The following COBLL1 variants were observed in gnomAD, a reference collection of about 807,000 sequenced individuals.
The protein encoded by COBLL1 is cordon-bleu protein-like 1.
In COBLL1, 50 loss-of-function variants were observed where a neutral mutation model predicts 94.8. The observed-to-expected ratio is 0.53, with a 90% CI of 0.42 to 0.67. The LOEUF (loss-of-function observed/expected upper bound fraction) is 0.67, where lower values mean the gene tolerates loss of function less well. Among genes scored for constraint, COBLL1 ranks in the 30% least tolerant of loss-of-function variants. The pLI, the probability that COBLL1 is intolerant of heterozygous loss-of-function variation, is 0.00. For missense variants in COBLL1, 1,362 were observed against 1,348.7 expected (o/e 1.01, Z -0.15); for synonymous variants, 448 against 473.8 (o/e 0.95, Z 0.71).
intron 2 of COBLL1, among the ~76,000 whole-genome samples, chr2:164,760,380 A>C (rs575287872): frequency 6.6e-6 from 1 of 152,308 alleles, no homozygotes; most frequent in Non-Finnish European, 1.5e-5. Context: ...ATGGCAGCCA[A>C]ATTTGGAGGC....
At chr2:164,738,971 C>T (rs991856244) in intron 3 of COBLL1, among the ~76,000 whole-genome samples, 1 of 152,098 alleles carries the variant, frequency 6.6e-6, no homozygotes, top group Non-Finnish European at 1.5e-5. Context: ...TACATCTATA[C>T]TACACTGTAT....
At chr2:164,816,164 A>G (rs970180163) in intron 2 of COBLL1, among the ~76,000 whole-genome samples, 3 of 152,032 alleles carry the variant, frequency 2.0e-5, no homozygotes, top group Non-Finnish European at 4.4e-5. Context: ...GAAAGCTTCA[A>G]GCAGAAGGTG....
At chr2:164,799,300 T>C (rs973250913) in intron 2 of COBLL1, among the ~76,000 whole-genome samples, 5 of 151,642 alleles carry the variant, frequency 3.3e-5, no homozygotes, top group African/African-American at 9.7e-5. Flanking sequence ...ACAGAGGGAG[T>C]TGCCCTTTTT....
At chr2:164,838,249 A>G (rs1047331533) in intron 2 of COBLL1, among the ~76,000 whole-genome samples, 1 of 152,190 alleles carries the variant, frequency 6.6e-6, no homozygotes, top group Non-Finnish European at 1.5e-5. Flanking sequence ...TGCGAGTTAA[A>G]TGTGTGAAGG....
chr2:164,697,898 A>G (rs1170882297), intron 11 of COBLL1: 2 of 152,082 alleles, frequency 1.3e-5, no homozygotes, highest in Non-Finnish European at 2.9e-5. Flanking sequence ...TATCTTTTAT[A>G]CTATAGTGAC....
At chr2:164,782,620 T>C (rs900432214) in intron 2 of COBLL1, among the ~76,000 whole-genome samples, 1 of 152,156 alleles carries the variant, frequency 6.6e-6, no homozygotes, top group African/African-American at 2.4e-5. Flanking sequence ...ACACTGTACA[T>C]GTACTAACTG....
At chr2:164,803,989 C>T (rs1244817239) in intron 2 of COBLL1, among the ~76,000 whole-genome samples, 1 of 151,604 alleles carries the variant, frequency 6.6e-6, no homozygotes, top group Non-Finnish European at 1.5e-5. Flanking sequence ...GATGAAATTC[C>T]TCTAGATACT....
chr2:164,719,635 A>T (rs1267972299), intron 7 of COBLL1, among the ~76,000 whole-genome samples: 8 of 152,100 alleles, frequency 5.3e-5, no homozygotes, highest in Admixed American at 6.5e-5. Flanking sequence ...CTCTTCTTAT[A>T]AGGATACCTG....
Position 164,695,076 on chromosome 2 carries a change from A to G in COBLL1, c.2316T>C (p.Asn772=), listed in dbSNP as rs773538509. The change falls in exon 12 of 14, where the codon AAT becomes AAC. Residue 772 remains asparagine, a synonymous_variant. Transcript: ENST00000652658. ...CTGTTTGGATGGCAGTTTCTTTCAC[A>G]TTCTCATGAGTGTGCTTTTTCCCTA... ...HALGKKHTHE[N]VKETAIQTED... 1.9e-6 allele frequency: 3 copies of G among 1,613,874 alleles called. No individual in the cohort carries two copies. Among genetic ancestry groups the G allele is most frequent in the East Asian group, 4.5e-5 (2 of 44,864 alleles).
At chr2:164,669,795 C>T (rs553235519) in intron 1 of COBLL1, among the ~76,000 whole-genome samples, 2 of 152,348 alleles carry the variant, frequency 1.3e-5, no homozygotes, top group African/African-American at 4.8e-5. Context: ...GTTTACTCAT[C>T]TGTAAATGGG....
chr2:164,841,708 A>G lies in COBLL1; in HGVS notation c.-51+2T>C, dbSNP rs1683633443. ...CTCTCTTTTCCCACCCAAGGCTCCTACGTTCTTTTCCAAAGGAGACAGTAG... is the reference window on the plus strand; with the variant it reads ...CTCTCTTTTCCCACCCAAGGCTCCTGCGTTCTTTTCCAAAGGAGACAGTAG... On this transcript the variant is annotated splice_donor_variant, in intron 1 of 13. Transcript: ENST00000652658. LOFTEE classifies it low-confidence loss of function (5UTR_SPLICE). The surrounding 1 kb of genome is among the most constrained non-coding windows in gnomAD (Gnocchi z 5.5). 2.1e-6 allele frequency: 1 copy of G among 475,942 alleles called. No homozygotes were observed. The highest frequency in any genetic ancestry group is 3.7e-6 in the Non-Finnish European group (1 of 270,932). The allele number at this position is 475,942 out of a possible 1,614,324, so 29.5% of individuals were successfully genotyped here.
intron 3 of COBLL1, among the ~76,000 whole-genome samples, chr2:164,732,495 A>G (rs971993948): frequency 6.6e-6 from 1 of 152,186 alleles, no homozygotes; most frequent in Non-Finnish European, 1.5e-5. Flanking sequence ...ATAGTAAATA[A>G]AGTTAAGAAG....
intron 2 of COBLL1, among the ~76,000 whole-genome samples, chr2:164,828,800 A>T (rs1318469319): frequency 1.3e-5 from 2 of 152,258 alleles, no homozygotes; most frequent in African/African-American, 4.8e-5. Context: ...TGAAAGACTT[A>T]GAATCATATA....
At chr2:164,758,034 G>A (rs1687495512) in intron 2 of COBLL1, among the ~76,000 whole-genome samples, 1 of 151,990 alleles carries the variant, frequency 6.6e-6, no homozygotes, top group Admixed American at 6.6e-5. Context: ...CTATATCAAA[G>A]GAGGAGATAT....
In COBLL1 at chr2:164,665,350, G is replaced by A. The variant is rs796925250; in HGVS notation, n.181+497C>T. Reference sequence around the variant, plus strand: ...TGTGTCAAAAAAAAAAAGAAAGAAAGAAAGAAAGAAAGAAAGAATGAATAG... The same window carrying A: ...TGTGTCAAAAAAAAAAAGAAAGAAAAAAAGAAAGAAAGAAAGAATGAATAG... On this transcript the variant is annotated intron_variant and non_coding_transcript_variant, in intron 2 of 2. Transcript: ENST00000495084. 3.2e-3 allele frequency among the ~76,000 whole-genome samples: 439 copies of A among 136,568 alleles called. 4 individuals carry two copies. Among genetic ancestry groups the A allele is most frequent in the African/African-American group, 0.011 (400 of 35,882 alleles). 89.6% of individuals were successfully genotyped at this position (136,568 alleles called of 152,430 possible).
At chr2:164,697,552 A>G (rs907512131) in intron 11 of COBLL1, 1 of 152,080 alleles carries the variant, frequency 6.6e-6, no homozygotes, top group African/African-American at 2.4e-5. Flanking sequence ...TTTCTTTCTT[A>G]TTTCTAATTT....
At position 164,841,585 on chromosome 2, in the gene COBLL1, GC is replaced by G; in HGVS notation, c.-51+124del. 2.1e-6 allele frequency: 1 copy of G among 469,152 alleles called. No individual in the cohort carries two copies. Among genetic ancestry groups the G allele is most frequent in the Non-Finnish European group, 3.1e-6 (1 of 326,356 alleles). The allele number at this position is 469,152 out of a possible 1,614,324, so 29.1% of individuals were successfully genotyped here. ...CGGGGCCGGGCGCACGGGCACCGCT[GC>G]CACGCCGGCAGCGCACTCCCAGGCT... On this transcript the variant is annotated intron_variant, in intron 1 of 13. Coordinates refer to ENST00000652658, the MANE Select transcript of COBLL1 (RefSeq NM_001365672.2). This position sits in a 1 kb window ranked among gnomAD's most constrained non-coding sequence, Gnocchi z 5.5.
chr2:164,793,857 G>C (rs1268141298), intron 2 of COBLL1, among the ~76,000 whole-genome samples: 1 of 152,138 alleles, frequency 6.6e-6, no homozygotes, highest in East Asian at 1.9e-4. Flanking sequence ...AAACTGTGAC[G>C]GAGTATGGAA....
intron 7 of COBLL1, among the ~76,000 whole-genome samples, chr2:164,717,054 T>C (rs907907548): frequency 5.9e-5 from 9 of 152,316 alleles, no homozygotes; most frequent in Admixed American, 5.9e-4. Context: ...TACTGACATT[T>C]ATCTCTCTAG....
Sources: allele counts gnomAD v4.1 joint callset (sites outside exome capture counted in the v4.1 genomes callset), GRCh38; gene constraint gnomAD v4.1.1; non-coding constraint Gnocchi (gnomAD v3.1); transcripts MANE v1.5; gene names NCBI Gene and HGNC (gene_info 2026-07-23, HGNC 2026-07-21).